Variants in TCTN1 observed in about 807,000 individuals in gnomAD.
The protein encoded by TCTN1 is tectonic-1.
A neutral mutation model predicts 65.8 loss-of-function variants in TCTN1; 58 were observed. That is an observed-to-expected ratio of 0.88 (90% CI 0.71 to 1.10). The LOEUF (loss-of-function observed/expected upper bound fraction) is 1.10, where lower values mean the gene tolerates loss of function less well. Among genes scored for constraint, TCTN1 ranks in the 50% least tolerant of loss-of-function variants. The pLI is 0.00. For missense variants in TCTN1, 645 were observed against 719.4 expected (o/e 0.90, Z 1.18); for synonymous variants, 273 against 289.1 (o/e 0.94, Z 0.57).
intron 6 of TCTN1, 21 bp downstream of exon 6, chr12:110,634,800 G>T: frequency 6.5e-7 from 1 of 1,549,060 alleles, no homozygotes; most frequent in South Asian, 1.1e-5. Context: ...TTTTGAAGTG[G>T]AACTTACTCA....
intron 10 of TCTN1, 107 bp from the exon 11 acceptor site, chr12:110,642,142 A>G (rs1284935743): frequency 1.4e-6 from 2 of 1,472,554 alleles, no homozygotes; most frequent in Non-Finnish European, 1.9e-6. Flanking sequence ...AGAGGCCCAG[A>G]AAAAGTGTAT....
chr12:110,622,518 C>T (rs2065506545), intron 2 of TCTN1, among the ~76,000 whole-genome samples: 1 of 152,126 alleles, frequency 6.6e-6, no homozygotes. Context: ...AAGGAATGCT[C>T]CCCAGAAAAC....
Position 110,619,800 on chromosome 12 carries a change from G to A in TCTN1, c.221-36G>A, listed in dbSNP as rs536277023. On this transcript the variant is annotated intron_variant, in intron 1 of 14. Coordinates refer to ENST00000397659, the MANE Select transcript of TCTN1 (RefSeq NM_001082538.3). Reference sequence around the variant, plus strand: ...AGGGGGCAGTCACCACCTGCTGATGGTGATGTTCTGGATCCTACCCCTCTT... The same window carrying A: ...AGGGGGCAGTCACCACCTGCTGATGATGATGTTCTGGATCCTACCCCTCTT... The A allele has an allele frequency of 3.1e-6, 5 of 1,613,606 alleles. No homozygotes were observed. In the East Asian group the frequency reaches 8.9e-5, roughly 29 times the overall value.
intron 6 of TCTN1, 149 bp downstream of exon 6, chr12:110,634,928 A>C: frequency 3.4e-6 from 2 of 591,548 alleles, no homozygotes; most frequent in South Asian, 2.3e-5. Context: ...GTGATTATTG[A>C]AATAATCCTT....
rs759444531 is a variant in TCTN1, at chr12:110,644,281, A to G, written c.1332-686A>G. ...TGGGAAACACTGTTTTAGACTCATCATCTCACAGGTAAAGATTTTGCAAAG... is the reference window on the plus strand; with the variant it reads ...TGGGAAACACTGTTTTAGACTCATCGTCTCACAGGTAAAGATTTTGCAAAG... On this transcript the variant is annotated intron_variant, in intron 11 of 14. Coordinates refer to ENST00000397659, the MANE Select transcript of TCTN1 (RefSeq NM_001082538.3). The surrounding 1 kb of genome is among the most constrained non-coding windows in gnomAD (Gnocchi z 4.6). The G allele has an allele frequency of 1.9e-5, 3 of 154,366 alleles. No individual in the cohort carries two copies. Among genetic ancestry groups the G allele is most frequent in the Non-Finnish European group, 2.9e-5 (2 of 69,530 alleles). 9.6% of individuals were successfully genotyped at this position (154,366 alleles called of 1,614,324 possible). A position where few individuals can be genotyped will look rare whatever the true frequency, so the allele number is the denominator to read the frequency against.
chr12:110,614,197 T>G lies in TCTN1; in HGVS notation c.15T>G (p.Gly5=). The stretch of plus-strand genomic sequence containing the variant: ...CTCCCTGGGAGATGAGGCCGCGAGG[T>G]CTCCCGCCGCTCCTGGTGGTGCTCC... The part of the protein sequence containing the change: MRPR[G]LPPLLVVLLG... The change falls in exon 1 of 15, where the codon GGT becomes GGG. Residue 5 remains glycine, a synonymous_variant. Transcript: ENST00000397659. 1 of 1,553,352 alleles carries G rather than the reference T, an allele frequency of 6.4e-7. No homozygotes were observed. The highest frequency in any genetic ancestry group is 8.7e-7 in the Non-Finnish European group (1 of 1,149,378).
At position 110,648,119 on chromosome 12, in the gene TCTN1, C is replaced by T. The variant is rs117069837; in HGVS notation, c.*1+226C>T. 0.011 allele frequency among the ~76,000 whole-genome samples: 1,604 copies of T among 152,194 alleles called. 9 individuals carry two copies. Among genetic ancestry groups the T allele is most frequent in the Middle Eastern group, 0.024 (7 of 294 alleles). ...CCTAATAGCTGGGACTACAGGTGCA[C>T]ACCACAACACCTGGCTAATTTTAAT... On this transcript the variant is annotated intron_variant, in intron 14 of 14. Transcript: ENST00000397659.
intron 5 of TCTN1, 91 bp downstream of exon 5, chr12:110,632,650 A>C: frequency 1.5e-6 from 2 of 1,353,606 alleles, no homozygotes; most frequent in Non-Finnish European, 2.1e-6. Flanking sequence ...ATTAAAAGTA[A>C]TGACCAAAAT....
Position 110,639,796 on chromosome 12 carries a change from G to A in TCTN1, c.844-587G>A, listed in dbSNP as rs969304110. Among the ~76,000 whole-genome samples, 1 of 152,150 alleles carries A rather than the reference G, an allele frequency of 6.6e-6. No individual in the cohort carries two copies. The highest frequency in any genetic ancestry group is 2.4e-5 in the African/African-American group (1 of 41,436). On this transcript the variant is annotated intron_variant, in intron 7 of 14. Coordinates refer to ENST00000397659, the MANE Select transcript of TCTN1 (RefSeq NM_001082538.3). The surrounding 1 kb of genome is among the most constrained non-coding windows in gnomAD (Gnocchi z 4.9). Reference sequence around the variant, plus strand: ...AACATTTCCATCACCCCAAAAAGGAGCCTTGTGTTAGCAGTCACTCCTCAT... The same window carrying A: ...AACATTTCCATCACCCCAAAAAGGAACCTTGTGTTAGCAGTCACTCCTCAT...
At chr12:110,615,151 C>G (rs536513265) in intron 1 of TCTN1, among the ~76,000 whole-genome samples, 15 of 152,028 alleles carry the variant, frequency 9.9e-5, no homozygotes, top group Admixed American at 2.6e-4. Context: ...AATAGCCGGG[C>G]ATGGTGTAAT....
intron 2 of TCTN1, among the ~76,000 whole-genome samples, chr12:110,622,865 A>G (rs552291177): frequency 6.6e-6 from 1 of 152,342 alleles, no homozygotes; most frequent in East Asian, 1.9e-4. Context: ...GCCTGGTGGC[A>G]GAGAACCAAG....
chr12:110,634,904 G>A (rs957690338), intron 6 of TCTN1, 125 bp downstream of exon 6: 1 of 695,590 alleles, frequency 1.4e-6, no homozygotes, highest in East Asian at 2.9e-5. Flanking sequence ...AATTTCTCCA[G>A]TACTTTTATA....
chr12:110,626,074 C>CT, intron 2 of TCTN1, among the ~76,000 whole-genome samples: 1 of 150,996 alleles, frequency 6.6e-6, no homozygotes. Context: ...AATATGCTTT[C>CT]TTTTTTCTTT....
chr12:110,623,889 C>G (rs1347267645), intron 2 of TCTN1, among the ~76,000 whole-genome samples: 2 of 151,530 alleles, frequency 1.3e-5, no homozygotes, highest in African/African-American at 2.4e-5. Flanking sequence ...TTGGGCTGTA[C>G]CATATCCATA....
chr12:110,638,934 C>G (rs745699841), intron 7 of TCTN1, among the ~76,000 whole-genome samples: 3 of 152,202 alleles, frequency 2.0e-5, no homozygotes, highest in Non-Finnish European at 4.4e-5. Flanking sequence ...TGCAGAGGGC[C>G]TCACAGTGAC....
chr12:110,638,552 G>A (rs2066735567), intron 7 of TCTN1, among the ~76,000 whole-genome samples: 1 of 152,168 alleles, frequency 6.6e-6, no homozygotes, highest in African/African-American at 2.4e-5. Context: ...ACCAGTGTGT[G>A]TGTGGTTTGG....
At chr12:110,634,366 C>G (rs1438024168) in intron 5 of TCTN1, 1 of 468,058 alleles carries the variant, frequency 2.1e-6, no homozygotes, top group Admixed American at 2.3e-5. Flanking sequence ...TGAATGTATT[C>G]TTTTTGAAAA....
chr12:110,627,977 A>T, intron 3 of TCTN1: 1 of 1,436,310 alleles, frequency 7.0e-7, no homozygotes, highest in African/African-American at 1.4e-5. Context: ...CTGGCCAGTG[A>T]CTGTCAGGTT....
At chr12:110,635,256 C>G (rs1214701702) in intron 6 of TCTN1, among the ~76,000 whole-genome samples, 1 of 152,166 alleles carries the variant, frequency 6.6e-6, no homozygotes, top group Non-Finnish European at 1.5e-5. Flanking sequence ...CCCCTTCTCT[C>G]TGGTTACAGT....
Sources: allele counts gnomAD v4.1 joint callset (sites outside exome capture counted in the v4.1 genomes callset), GRCh38; gene constraint gnomAD v4.1.1; non-coding constraint Gnocchi (gnomAD v3.1); transcripts MANE v1.5; gene names NCBI Gene and HGNC (gene_info 2026-07-23, HGNC 2026-07-21).